LRRTM4: variants seen among roughly 807,000 people sequenced by gnomAD.
The protein encoded by LRRTM4 is leucine-rich repeat transmembrane neuronal protein 4.
A neutral mutation model predicts 47.6 loss-of-function variants in LRRTM4; 25 were observed. The ratio of observed to expected loss-of-function variants is 0.53; its 90% CI spans 0.38 to 0.73. The LOEUF is 0.73. Among genes scored for constraint, LRRTM4 ranks in the 30% least tolerant of loss-of-function variants. The pLI is 0.00. For missense variants in LRRTM4, 638 were observed against 713.4 expected (o/e 0.89, Z 1.20); for synonymous variants, 311 against 269.5 (o/e 1.15, Z -1.51).
At chr2:77,032,275 C>G (rs1007244102) in intron 3 of LRRTM4, among the ~76,000 whole-genome samples, 1 of 152,056 alleles carries the variant, frequency 6.6e-6, no homozygotes, top group Non-Finnish European at 1.5e-5. Flanking sequence ...ACTTCAAATC[C>G]TTGCTCAATT....
intron 3 of LRRTM4, among the ~76,000 whole-genome samples, chr2:77,231,452 T>TA (rs1674963398): frequency 6.6e-6 from 1 of 152,214 alleles, no homozygotes; most frequent in African/African-American, 2.4e-5. Flanking sequence ...GGCCTGTTTT[T>TA]ACAGATCTTG....
chr2:76,788,916 T>G (rs796287490), intron 3 of LRRTM4, among the ~76,000 whole-genome samples: 72 of 152,278 alleles, frequency 4.7e-4, no homozygotes, highest in African/African-American at 1.6e-3. Flanking sequence ...TTCCTTTAAT[T>G]CCCTAACCAC....
At chr2:77,269,724 A>G (rs756176261) in intron 3 of LRRTM4, among the ~76,000 whole-genome samples, 3 of 152,234 alleles carry the variant, frequency 2.0e-5, no homozygotes, top group Admixed American at 6.5e-5. Context: ...TTTTTCTTTC[A>G]GTGCACAAGG....
chr2:76,971,123 G>A (rs1372984989), intron 3 of LRRTM4, among the ~76,000 whole-genome samples: 2 of 151,998 alleles, frequency 1.3e-5, no homozygotes, highest in Non-Finnish European at 2.9e-5. Flanking sequence ...TGCTAGTGGA[G>A]GGGACAGTTG....
chr2:76,846,399 G>A (rs1671838511), intron 3 of LRRTM4, among the ~76,000 whole-genome samples: 1 of 152,090 alleles, frequency 6.6e-6, no homozygotes, highest in East Asian at 1.9e-4. Context: ...ACTAATGCTA[G>A]TATTCTGAAT....
intron 3 of LRRTM4, among the ~76,000 whole-genome samples, chr2:76,854,471 A>T (rs1672089236): frequency 6.6e-6 from 1 of 152,176 alleles, no homozygotes; most frequent in African/African-American, 2.4e-5. Flanking sequence ...GGATGGTGGA[A>T]CAAATGGGAT....
At chr2:76,889,402 GTTCT>G (rs1452878960) in intron 3 of LRRTM4, among the ~76,000 whole-genome samples, 3 of 151,882 alleles carry the variant, frequency 2.0e-5, no homozygotes, top group Admixed American at 2.0e-4. Context: ...AATGAGAAGA[GTTCT>G]TTCTTGAAAT....
At chr2:77,337,532 T>C (rs1370065221) in intron 3 of LRRTM4, among the ~76,000 whole-genome samples, 1 of 152,070 alleles carries the variant, frequency 6.6e-6, no homozygotes, top group Non-Finnish European at 1.5e-5. Context: ...CCCATGCTGT[T>C]CTCATGATAG....
At chr2:77,006,072 C>T (rs938200223) in intron 3 of LRRTM4, among the ~76,000 whole-genome samples, 6 of 152,058 alleles carry the variant, frequency 3.9e-5, no homozygotes, top group South Asian at 2.1e-4. Context: ...ATACATAAAT[C>T]GAAACCCCAA....
intron 3 of LRRTM4, among the ~76,000 whole-genome samples, chr2:77,137,717 A>G (rs1671989629): frequency 6.6e-6 from 1 of 152,190 alleles, no homozygotes; most frequent in Admixed American, 6.5e-5. Context: ...AGTGTGCTGT[A>G]TTCAGGAGAC....
chr2:77,075,739 C>G (rs1462223322), intron 3 of LRRTM4, among the ~76,000 whole-genome samples: 6 of 150,558 alleles, frequency 4.0e-5, no homozygotes, highest in African/African-American at 1.5e-4. Context: ...CAAGGTGAAA[C>G]CCCGTCTCTA....
intron 3 of LRRTM4, among the ~76,000 whole-genome samples, chr2:77,224,982 A>T (rs1674761032): frequency 6.6e-6 from 1 of 151,196 alleles, no homozygotes; most frequent in South Asian, 2.1e-4. Context: ...CAACAATGAT[A>T]GACTGGATTA....
At chr2:77,047,357 G>A (rs59355332) in intron 3 of LRRTM4, among the ~76,000 whole-genome samples, 18,368 of 151,852 alleles carry the variant, frequency 0.12, 1,395 homozygotes, top group Admixed American at 0.19. Context: ...AGTTTGCCAG[G>A]GCTGCAGACT....
intron 3 of LRRTM4, among the ~76,000 whole-genome samples, chr2:77,250,898 G>A (rs1229363854): frequency 6.6e-6 from 1 of 152,080 alleles, no homozygotes; most frequent in Non-Finnish European, 1.5e-5. Flanking sequence ...GAGGTGGGGA[G>A]TTCGAGACCA....
intron 3 of LRRTM4, among the ~76,000 whole-genome samples, chr2:77,170,570 G>A (rs1412971371): frequency 6.6e-6 from 1 of 152,092 alleles, no homozygotes. Context: ...AAGACATTAT[G>A]TTTGTAGTAA....
intron 3 of LRRTM4, among the ~76,000 whole-genome samples, chr2:76,755,787 A>T (rs1673008398): frequency 6.6e-6 from 1 of 152,128 alleles, no homozygotes; most frequent in Admixed American, 6.6e-5. Context: ...GCAAGGGCAT[A>T]TCTGAACCCA....
intron 3 of LRRTM4, among the ~76,000 whole-genome samples, chr2:77,435,567 A>G (rs964176698): frequency 3.4e-4 from 52 of 152,192 alleles, no homozygotes; most frequent in African/African-American, 1.3e-3. Context: ...GCAAAGTCAT[A>G]CCGAATGGGC....
intron 3 of LRRTM4, among the ~76,000 whole-genome samples, chr2:77,440,167 C>T (rs367877046): frequency 1.3e-5 from 2 of 152,176 alleles, no homozygotes; most frequent in African/African-American, 2.4e-5. Context: ...GTAATCCGAG[C>T]ACTTTGGGAG....
intron 3 of LRRTM4, among the ~76,000 whole-genome samples, chr2:76,873,504 GTGTA>G (rs1473216034): frequency 0.021 from 1,514 of 73,198 alleles, 35 homozygotes; most frequent in African/African-American, 0.06. Context: ...ATATATATGT[GTGTA>G]TATATATATA....
Sources: gnomAD v4.1 joint callset for allele counts (sites outside exome capture counted in the v4.1 genomes callset) on GRCh38, gnomAD v4.1.1 for gene constraint, MANE v1.5 for transcripts, NCBI Gene and HGNC (gene_info 2026-07-23, HGNC 2026-07-21) for gene names.